ENOX1: variants seen among roughly 807,000 people sequenced by gnomAD.
ENOX1 encodes the protein ecto-NOX disulfide-thiol exchanger 1.
A neutral mutation model predicts 82.5 loss-of-function variants in ENOX1; 42 were observed. That is an observed-to-expected ratio of 0.51 (90% CI 0.40 to 0.66). The LOEUF is 0.66. ENOX1 is among the 30% of genes least tolerant of loss of function. The pLI is 0.00. For missense variants in ENOX1, 608 were observed against 811.6 expected (o/e 0.75, Z 3.05); for synonymous variants, 271 against 282.2 (o/e 0.96, Z 0.40).
intron 2 of ENOX1, among the ~76,000 whole-genome samples, chr13:43,524,832 C>T (rs975624244): frequency 2.0e-5 from 3 of 152,068 alleles, no homozygotes; most frequent in African/African-American, 7.2e-5. Context: ...AACATCACCA[C>T]CTGAAATTCA....
intron 2 of ENOX1, among the ~76,000 whole-genome samples, chr13:43,553,183 A>G (rs2079280568): frequency 6.6e-6 from 1 of 152,168 alleles, no homozygotes; most frequent in Non-Finnish European, 1.5e-5. Context: ...CAGCAGCAAA[A>G]TTCAACATGA....
chr13:43,634,262 C>T (rs2083331136), intron 2 of ENOX1, among the ~76,000 whole-genome samples: 1 of 152,148 alleles, frequency 6.6e-6, no homozygotes, highest in Non-Finnish European at 1.5e-5. Context: ...TGTATTATTT[C>T]CTATTGTTGC....
At chr13:43,388,072 GA>G (rs1460394571) in intron 5 of ENOX1, among the ~76,000 whole-genome samples, 1 of 152,164 alleles carries the variant, frequency 6.6e-6, no homozygotes, top group Admixed American at 6.5e-5. Context: ...GGTCTATTCT[GA>G]AAATAGCAGA....
chr13:43,610,986 G>A (rs2082176572), intron 2 of ENOX1, among the ~76,000 whole-genome samples: 1 of 152,152 alleles, frequency 6.6e-6, no homozygotes, highest in South Asian at 2.1e-4. Flanking sequence ...TCAATAGAGA[G>A]AGTTCAGGAA....
At chr13:43,330,471 T>C (rs980549630) in intron 9 of ENOX1, among the ~76,000 whole-genome samples, 2 of 152,248 alleles carry the variant, frequency 1.3e-5, no homozygotes, top group African/African-American at 4.8e-5. Context: ...GAATTTTTTT[T>C]CTTTGAGGGA....
At chr13:43,325,015 T>C (rs535826925) in intron 10 of ENOX1, among the ~76,000 whole-genome samples, 1 of 152,236 alleles carries the variant, frequency 6.6e-6, no homozygotes, top group Non-Finnish European at 1.5e-5. Context: ...ATTCACAGAC[T>C]GATCATTCCC....
intron 11 of ENOX1, among the ~76,000 whole-genome samples, chr13:43,301,029 G>A (rs2046546592): frequency 6.6e-6 from 1 of 152,204 alleles, no homozygotes; most frequent in Non-Finnish European, 1.5e-5. Context: ...TGGTTATGAG[G>A]ATTCATTTGT....
intron 1 of ENOX1, among the ~76,000 whole-genome samples, chr13:43,691,648 T>C (rs1188883649): frequency 6.6e-6 from 1 of 151,476 alleles, no homozygotes; most frequent in Non-Finnish European, 1.5e-5. Context: ...GGTTCATTCC[T>C]ACTATATGTT....
intron 1 of ENOX1, among the ~76,000 whole-genome samples, chr13:43,734,104 A>C (rs1271172632): frequency 6.6e-6 from 1 of 152,234 alleles, no homozygotes; most frequent in Non-Finnish European, 1.5e-5. Flanking sequence ...GAAACAAGAA[A>C]AGATTCTCCC....
At chr13:43,659,683 T>C (rs192040882) in intron 2 of ENOX1, among the ~76,000 whole-genome samples, 2 of 152,222 alleles carry the variant, frequency 1.3e-5, no homozygotes, top group East Asian at 1.9e-4. Flanking sequence ...GTTGTTGATA[T>C]AGGATTTATT....
chr13:43,455,360 C>T (rs1350421865), intron 3 of ENOX1, among the ~76,000 whole-genome samples: 1 of 152,086 alleles, frequency 6.6e-6, no homozygotes. Context: ...TTGGAATCTT[C>T]TTTTTAATCC....
intron 2 of ENOX1, among the ~76,000 whole-genome samples, chr13:43,656,927 T>C (rs2084463599): frequency 6.6e-6 from 1 of 152,220 alleles, no homozygotes; most frequent in South Asian, 2.1e-4. Flanking sequence ...CAATCTATAT[T>C]TATCATGAAT....
intron 2 of ENOX1, among the ~76,000 whole-genome samples, chr13:43,509,804 G>T (rs2077297725): frequency 6.6e-6 from 1 of 151,804 alleles, no homozygotes; most frequent in Admixed American, 6.6e-5. Context: ...TCTTGCAGAA[G>T]CCTTAAAAAT....
intron 16 of ENOX1, among the ~76,000 whole-genome samples, chr13:43,217,510 G>A (rs1457040041): frequency 6.6e-6 from 1 of 152,122 alleles, no homozygotes; most frequent in Non-Finnish European, 1.5e-5. Context: ...GACAGAGGTA[G>A]CTACCATTTA....
At position 43,213,992 on chromosome 13, in the gene ENOX1, A is replaced by G; in HGVS notation, c.1930T>C (p.Ter644GlnextTer10). 1.2e-6 allele frequency: 2 copies of G among 1,613,484 alleles called. No individual in the cohort carries two copies. Among genetic ancestry groups the G allele is most frequent in the Non-Finnish European group, 1.7e-6 (2 of 1,179,670 alleles). Reference sequence around the variant, plus strand: ...CAGAGATGCTTTGCTCTTCGCAGTTAGGTAGTTTTAATTCCTTCAAAGGCA... The same window carrying G: ...CAGAGATGCTTTGCTCTTCGCAGTTGGGTAGTTTTAATTCCTTCAAAGGCA... ...LCAFEGIKTT* is the reference protein window; with the variant it reads ...LCAFEGIKTTQ The change falls in exon 17 of 17, where the codon TAA (stop) becomes CAA (glutamine). Residue 644 changes from the stop codon to glutamine, a stop_lost. Transcript: ENST00000690772.
chr13:43,475,250 GA>G (rs2058231445), intron 3 of ENOX1, among the ~76,000 whole-genome samples: 1 of 152,062 alleles, frequency 6.6e-6, no homozygotes, highest in African/African-American at 2.4e-5. Flanking sequence ...AAACATATGT[GA>G]GCTAAAAGTG....
intron 3 of ENOX1, among the ~76,000 whole-genome samples, chr13:43,439,135 C>G (rs2153620689): frequency 6.6e-6 from 1 of 151,096 alleles, no homozygotes; most frequent in East Asian, 1.9e-4. Flanking sequence ...CTCTGCCTCC[C>G]ACCTCCCGGG....
At chr13:43,755,774 G>T (rs192554109) in intron 1 of ENOX1, among the ~76,000 whole-genome samples, 1 of 152,114 alleles carries the variant, frequency 6.6e-6, no homozygotes, top group Non-Finnish European at 1.5e-5. Flanking sequence ...AGGTAAAATG[G>T]CAAGAATACA....
At chr13:43,226,638 A>G (rs970720125) in intron 15 of ENOX1, among the ~76,000 whole-genome samples, 4 of 152,326 alleles carry the variant, frequency 2.6e-5, no homozygotes, top group Middle Eastern at 3.4e-3. Context: ...TACTATGGCC[A>G]CTGCTTTCCA....
Sources: gnomAD v4.1 joint callset for allele counts (sites outside exome capture counted in the v4.1 genomes callset) on GRCh38, gnomAD v4.1.1 for gene constraint, MANE v1.5 for transcripts, NCBI Gene and HGNC (gene_info 2026-07-23, HGNC 2026-07-21) for gene names.